Variants in NXPE2 observed in about 807,000 individuals in gnomAD.
The protein encoded by NXPE2 is NXPE family member 2.
Under a neutral mutation model 34.4 loss-of-function variants are expected in NXPE2, and 34 were observed. The observed-to-expected ratio is 0.99, with a 90% CI of 0.75 to 1.31. The LOEUF is 1.31. NXPE2 is among the 40% of genes most tolerant of loss of function. NXPE2 has a pLI of 0.00. For synonymous variants in NXPE2, 235 were observed against 231.3 expected (o/e 1.02, Z -0.15); for missense variants, 649 against 672.5 (o/e 0.97, Z 0.39).
the NXPE2 span, among the ~76,000 whole-genome samples, chr11:114,595,978 T>C: frequency 6.6e-6 from 1 of 152,194 alleles, no homozygotes; most frequent in Non-Finnish European, 1.5e-5. Context: ...TGATAAATAA[T>C]TGTATTTAGT....
chr11:114,637,429 T>C, the NXPE2 span, among the ~76,000 whole-genome samples: 1 of 152,070 alleles, frequency 6.6e-6, no homozygotes, highest in South Asian at 2.1e-4. Context: ...TTTGCCAGTC[T>C]GTGTCTTTTA....
chr11:114,622,707 G>A, the NXPE2 span, among the ~76,000 whole-genome samples: 1 of 151,828 alleles, frequency 6.6e-6, no homozygotes, highest in Non-Finnish European at 1.5e-5. Context: ...CCTTTTCCCG[G>A]TGGATAATAC....
the NXPE2 span, chr11:114,513,433 A>C: frequency 6.0e-4 from 177 of 292,690 alleles, no homozygotes; most frequent in Non-Finnish European, 9.9e-4. Flanking sequence ...GTGATGAAGA[A>C]AGATAGGCAT....
intron 4 of NXPE2, 111 bp downstream of exon 4, chr11:114,704,163 A>T: frequency 2.6e-6 from 2 of 767,746 alleles, no homozygotes; most frequent in Non-Finnish European, 4.2e-6. Context: ...ATTTCCTGGG[A>T]CAAATTACAT....
At chr11:114,798,479 G>A in the NXPE2 span, among the ~76,000 whole-genome samples, 1 of 152,082 alleles carries the variant, frequency 6.6e-6, no homozygotes, top group Non-Finnish European at 1.5e-5. Context: ...TGCCTCTAGG[G>A]TTCAAGTGAT....
chr11:114,705,982 A>T lies in NXPE2; in HGVS notation c.1130A>T (p.Gln377Leu). The T allele has an allele frequency of 7.2e-7, 1 of 1,395,582 alleles. No individual in the cohort carries two copies. Among genetic ancestry groups the T allele is most frequent in the Non-Finnish European group, 9.4e-7 (1 of 1,067,602 alleles). The allele number at this position is 1,395,582 out of a possible 1,614,324, so 86.4% of individuals were successfully genotyped here. ...STLHQWIYYLQKAVKTLKYFD... is the reference protein window; with the variant it reads ...STLHQWIYYLLKAVKTLKYFD... Reference sequence around the variant, plus strand: ...CTGCATCAGTGGATTTACTACTTACAAAAAGCTGTGAAAAGTATGTATTTA... The same window carrying T: ...CTGCATCAGTGGATTTACTACTTACTAAAAGCTGTGAAAAGTATGTATTTA... Residue 377 changes from glutamine (Q) to leucine (L), a missense_variant, in exon 5 of 6, where the codon CAA (glutamine) becomes CTA (leucine). Physicochemically the swap from Gln to Leu is moderately radical, Grantham distance 113 (BLOSUM62 -2). Coordinates refer to ENST00000389586, the MANE Select transcript of NXPE2 (RefSeq NM_182495.6).
At chr11:114,776,564 G>A in the NXPE2 span, among the ~76,000 whole-genome samples, 4 of 152,244 alleles carry the variant, frequency 2.6e-5, no homozygotes, top group African/African-American at 9.6e-5. Flanking sequence ...GTCTGCAGTT[G>A]GATGTGTGCG....
At chr11:114,582,764 G>A in the NXPE2 span, 133 of 1,614,188 alleles carry the variant, frequency 8.2e-5, no homozygotes, top group Middle Eastern at 2.3e-3. Context: ...CCAGCAGGAT[G>A]TGCAGCTGGT....
the NXPE2 span, among the ~76,000 whole-genome samples, chr11:114,513,778 A>G: frequency 1.3e-5 from 2 of 152,262 alleles, no homozygotes; most frequent in Non-Finnish European, 2.9e-5. Context: ...AGTAATTATT[A>G]AGAAATATTA....
the NXPE2 span, among the ~76,000 whole-genome samples, chr11:114,632,186 AAATG>A: frequency 7.1e-6 from 1 of 141,320 alleles, no homozygotes; most frequent in African/African-American, 2.6e-5. Context: ...TATAATAAAT[AAATG>A]ATCATATATA....
the NXPE2 span, among the ~76,000 whole-genome samples, chr11:114,661,019 C>T: frequency 5.3e-5 from 8 of 152,042 alleles, no homozygotes; most frequent in South Asian, 2.1e-4. Context: ...AAGAATGGCA[C>T]GGAAAACATG....
the NXPE2 span, among the ~76,000 whole-genome samples, chr11:114,600,605 A>T: frequency 6.6e-6 from 1 of 152,110 alleles, no homozygotes; most frequent in Non-Finnish European, 1.5e-5. Flanking sequence ...ACCATGTAAG[A>T]CTAAGCAACT....
intron 2 of NXPE2, among the ~76,000 whole-genome samples, chr11:114,686,311 C>T (rs1247238450): frequency 1.3e-5 from 2 of 152,014 alleles, no homozygotes; most frequent in Non-Finnish European, 2.9e-5. Context: ...TTGTTCTCAT[C>T]TTTGGGTCCA....
intron 3 of NXPE2, among the ~76,000 whole-genome samples, chr11:114,702,183 G>T (rs539778032): frequency 2.6e-5 from 4 of 152,232 alleles, no homozygotes; most frequent in East Asian, 3.9e-4. Flanking sequence ...TAACACAGTT[G>T]TTCACTATTC....
the NXPE2 span, among the ~76,000 whole-genome samples, chr11:114,609,227 C>T: frequency 1.3e-5 from 2 of 151,626 alleles, no homozygotes; most frequent in African/African-American, 4.8e-5. Context: ...AGTTTTGCTT[C>T]GTGGGTAACC....
the NXPE2 span, among the ~76,000 whole-genome samples, chr11:114,614,131 C>T: frequency 1.9e-4 from 28 of 149,076 alleles, no homozygotes; most frequent in South Asian, 2.1e-4. Context: ...GTGTTACCTG[C>T]TGGATAATAA....
At chr11:114,538,830 T>C in the NXPE2 span, among the ~76,000 whole-genome samples, 2 of 152,168 alleles carry the variant, frequency 1.3e-5, no homozygotes, top group Non-Finnish European at 1.5e-5. Flanking sequence ...TTTTACATTG[T>C]TGGTGGGACT....
At chr11:114,470,582 CGTGTGTGT>C in the NXPE2 span, among the ~76,000 whole-genome samples, 594 of 144,938 alleles carry the variant, frequency 4.1e-3, 1 homozygote, top group African/African-American at 8.1e-3. Flanking sequence ...AAAGAATTGA[CGTGTGTGT>C]GTGTGTGTGT....
chr11:114,564,639 C>A, the NXPE2 span, among the ~76,000 whole-genome samples: 2 of 151,956 alleles, frequency 1.3e-5, no homozygotes, highest in South Asian at 2.1e-4. Flanking sequence ...ACTTGACTGA[C>A]CCAGATCCCA....
Sources: allele counts gnomAD v4.1 joint callset (sites outside exome capture counted in the v4.1 genomes callset), GRCh38; gene constraint gnomAD v4.1.1; transcripts MANE v1.5; gene names NCBI Gene and HGNC (gene_info 2026-07-23, HGNC 2026-07-21).